MICU2: variants seen among roughly 807,000 people sequenced by gnomAD.
MICU2 encodes the protein calcium uptake protein 2, mitochondrial.
MICU2 carries 64 observed loss-of-function variants against 60.4 expected under a neutral mutation model. The observed-to-expected ratio is 1.06, with a 90% CI of 0.87 to 1.31. MICU2 has a LOEUF of 1.31. MICU2 is among the 50% of genes most tolerant of loss of function. The pLI is 0.00. For synonymous variants in MICU2, 201 were observed against 175.0 expected, an observed-to-expected ratio of 1.15 and a Z score of -1.17; for missense variants, 569 against 531.0, an observed-to-expected ratio of 1.07 and a Z score of -0.70.
At chr13:21,514,929 T>G (rs1031800983) in intron 6 of MICU2, among the ~76,000 whole-genome samples, 1 of 152,168 alleles carries the variant, frequency 6.6e-6, no homozygotes, top group Non-Finnish European at 1.5e-5. Context: ...ACATTATTAT[T>G]ACTACAATCT....
chr13:21,572,148 G>T (rs1888125572), intron 1 of MICU2, among the ~76,000 whole-genome samples: 1 of 152,228 alleles, frequency 6.6e-6, no homozygotes, highest in South Asian at 2.1e-4. Flanking sequence ...AGATCTAACA[G>T]CCTGACAGTA....
chr13:21,521,220 C>T (rs1165887447), intron 6 of MICU2, 25 bp downstream of exon 6: 2 of 1,531,074 alleles, frequency 1.3e-6, no homozygotes, highest in African/African-American at 2.8e-5. Context: ...TTATGATAAA[C>T]CTAAAATAAT....
chr13:21,536,978 C>A (rs1887144895), intron 4 of MICU2, among the ~76,000 whole-genome samples: 1 of 152,200 alleles, frequency 6.6e-6, no homozygotes, highest in Non-Finnish European at 1.5e-5. Flanking sequence ...TAAATTCAGA[C>A]ACCTACTCTA....
chr13:21,493,612 T>A (rs557284796), intron 11 of MICU2, among the ~76,000 whole-genome samples: 2 of 152,318 alleles, frequency 1.3e-5, no homozygotes, highest in East Asian at 3.9e-4. Context: ...AAGAGGGTAA[T>A]GAAGACTTTG....
chr13:21,536,060 C>T (rs1333856939), intron 4 of MICU2, among the ~76,000 whole-genome samples: 1 of 152,092 alleles, frequency 6.6e-6, no homozygotes, highest in African/African-American at 2.4e-5. Flanking sequence ...TTGTTAACCT[C>T]AAAGTCTATA....
chr13:21,543,385 T>C (rs1213703963), intron 2 of MICU2, among the ~76,000 whole-genome samples: 1 of 152,182 alleles, frequency 6.6e-6, no homozygotes, highest in Admixed American at 6.5e-5. Context: ...AGTCAAACTG[T>C]TCCTATTTGC....
chr13:21,570,715 G>A (rs2138044789), intron 1 of MICU2, among the ~76,000 whole-genome samples: 1 of 152,310 alleles, frequency 6.6e-6, no homozygotes, highest in Middle Eastern at 3.4e-3. Context: ...AGAATTTTAA[G>A]AGTTAAAAGG....
chr13:21,495,936 A>T, intron 10 of MICU2, 116 bp downstream of exon 10: 1 of 660,510 alleles, frequency 1.5e-6, no homozygotes, highest in Non-Finnish European at 2.6e-6. Context: ...CTGAATTAAA[A>T]GGTCAATCAA....
intron 1 of MICU2, among the ~76,000 whole-genome samples, chr13:21,593,132 C>CA: frequency 6.6e-6 from 1 of 152,098 alleles, no homozygotes; most frequent in Non-Finnish European, 1.5e-5. Flanking sequence ...CATCTCAGCC[C>CA]AAAAACTTCT....
Position 21,497,732 on chromosome 13 carries a change from T to C in MICU2, c.934-1572A>G, listed in dbSNP as rs141511954. 6.3e-3 allele frequency among the ~76,000 whole-genome samples: 953 copies of C among 152,224 alleles called. 11 individuals carry two copies. The highest frequency in any genetic ancestry group is 0.022 in the African/African-American group (903 of 41,530). On this transcript the variant is annotated intron_variant, in intron 9 of 11. Transcript: ENST00000382374. The stretch of plus-strand genomic sequence containing the variant: ...CAAAAACAAACAAACAAAACAAAAG[T>C]AAACAAAGTATGAAAATTCTCTTAG...
chr13:21,507,934 T>C (rs746486848), intron 8 of MICU2, among the ~76,000 whole-genome samples: 7 of 151,666 alleles, frequency 4.6e-5, no homozygotes, highest in Non-Finnish European at 1.0e-4. Context: ...CTCTCTTTCT[T>C]TCTTTCTTTT....
intron 7 of MICU2, among the ~76,000 whole-genome samples, chr13:21,510,472 G>A (rs1886398620): frequency 6.6e-6 from 1 of 152,182 alleles, no homozygotes; most frequent in African/African-American, 2.4e-5. Context: ...GAAAGTCTTT[G>A]AGCTTTTGTT....
rs540503424 is a variant in MICU2, at chr13:21,601,011, T to C, written c.210+2928A>G. ...CGGGGTTTCACTGTGTTAGCCAGGA[T>C]GGTCTCGATCTCCTGACCTCGTGAT... On this transcript the variant is annotated intron_variant, in intron 1 of 11. Coordinates refer to ENST00000382374, the MANE Select transcript of MICU2 (RefSeq NM_152726.3). Among the ~76,000 whole-genome samples the C allele has an allele frequency of 2.6e-5, 4 of 152,284 alleles. No individual in the cohort carries two copies. In the South Asian group the frequency reaches 6.2e-4, roughly 24 times the overall value.
chr13:21,518,187 A>T (rs1476058684), intron 6 of MICU2, among the ~76,000 whole-genome samples: 3 of 152,212 alleles, frequency 2.0e-5, no homozygotes, highest in East Asian at 3.8e-4. Context: ...TGTGTGAAAA[A>T]ATGTATTTGA....
At chr13:21,530,650 A>G in intron 4 of MICU2, 1 of 311,142 alleles carries the variant, frequency 3.2e-6, no homozygotes, top group South Asian at 5.4e-5. Flanking sequence ...TCTCTCTCTG[A>G]AAGTTAAAAA....
chr13:21,530,461 TCTC>T, intron 4 of MICU2, among the ~76,000 whole-genome samples: 1 of 33,768 alleles, frequency 3.0e-5, no homozygotes, highest in Non-Finnish European at 5.8e-5. Context: ...GGGTCTTAAT[TCTC>T]CTTCAAAAAA....
intron 2 of MICU2, 122 bp from the exon 3 acceptor site, chr13:21,539,810 G>A: frequency 3.3e-6 from 3 of 915,686 alleles, no homozygotes; most frequent in Non-Finnish European, 4.9e-6. Context: ...AAAAGCAAAG[G>A]CTTGTAATTT....
At chr13:21,503,126 G>T (rs761223512) in intron 8 of MICU2, 29 bp from the exon 9 acceptor site, 117 of 1,518,220 alleles carry the variant, frequency 7.7e-5, no homozygotes, top group Non-Finnish European at 1.0e-4. Flanking sequence ...AATTAGTAAG[G>T]TAACTAGTGG....
chr13:21,590,052 G>C (rs1037064884), intron 1 of MICU2, among the ~76,000 whole-genome samples: 3 of 152,110 alleles, frequency 2.0e-5, no homozygotes, highest in African/African-American at 7.2e-5. Flanking sequence ...TATAACACTA[G>C]CAAGACAGGC....
Sources: allele counts gnomAD v4.1 joint callset (sites outside exome capture counted in the v4.1 genomes callset), GRCh38; gene constraint gnomAD v4.1.1; transcripts MANE v1.5; gene names NCBI Gene and HGNC (gene_info 2026-07-23, HGNC 2026-07-21).